Variants in NRG1 observed in about 807,000 individuals in gnomAD.
The protein encoded by NRG1 is pro-neuregulin-1, membrane-bound isoform.
NRG1 carries 18 observed loss-of-function variants against 63.8 expected under a neutral mutation model. The ratio of observed to expected loss-of-function variants is 0.28; its 90% CI spans 0.19 to 0.42. The LOEUF is 0.42. Among genes scored for constraint, NRG1 ranks in the 10% least tolerant of loss-of-function variants. NRG1 has a pLI of 1.00. For synonymous variants in NRG1, 302 were observed against 301.3 expected (o/e 1.00, Z -0.02); for missense variants, 762 against 814.7 (o/e 0.94, Z 0.79).
chr8:32,476,215 G>A (rs555788700), intron 1 of NRG1, among the ~76,000 whole-genome samples: 2 of 152,286 alleles, frequency 1.3e-5, no homozygotes, highest in South Asian at 4.1e-4. Flanking sequence ...GGGAAAAAAG[G>A]GACCAATGAC....
At chr8:32,596,612 A>T (rs1843416317) in intron 2 of NRG1, among the ~76,000 whole-genome samples, 1 of 151,530 alleles carries the variant, frequency 6.6e-6, no homozygotes, top group Non-Finnish European at 1.5e-5. Context: ...AAAAAAAAAA[A>T]ATGCAATTTC....
At chr8:32,420,001 A>G (rs1049487192) in intron 1 of NRG1, among the ~76,000 whole-genome samples, 2 of 152,188 alleles carry the variant, frequency 1.3e-5, no homozygotes, top group Admixed American at 1.3e-4. Flanking sequence ...CAGTTGGTCA[A>G]TGGCATCAGA....
intron 6 of NRG1, among the ~76,000 whole-genome samples, chr8:32,737,816 A>T (rs1825466835): frequency 6.6e-6 from 1 of 151,080 alleles, no homozygotes; most frequent in South Asian, 2.1e-4. Context: ...AGCTGGGATT[A>T]CAGGCGCCCA....
chr8:32,271,115 C>T (rs968591165), intron 1 of NRG1, among the ~76,000 whole-genome samples: 4 of 152,034 alleles, frequency 2.6e-5, no homozygotes, highest in Non-Finnish European at 5.9e-5. Context: ...TTTTCCTTTA[C>T]CTTTTCAGCC....
chr8:32,449,388 T>C (rs1372320638), intron 1 of NRG1, among the ~76,000 whole-genome samples: 2 of 151,258 alleles, frequency 1.3e-5, no homozygotes, highest in African/African-American at 2.4e-5. Context: ...TCAAGCCTAG[T>C]GGGACTGTGG....
intron 1 of NRG1, among the ~76,000 whole-genome samples, chr8:32,538,670 T>A (rs750934042): frequency 1.3e-5 from 2 of 152,206 alleles, no homozygotes; most frequent in Non-Finnish European, 2.9e-5. Flanking sequence ...AAAAGTTCTA[T>A]TTGGAAAGAT....
intron 1 of NRG1, among the ~76,000 whole-genome samples, chr8:31,706,141 T>A (rs1811127134): frequency 6.6e-6 from 1 of 152,168 alleles, no homozygotes; most frequent in African/African-American, 2.4e-5. Context: ...GAGATTTCCT[T>A]CCTACATCCC....
chr8:32,044,251 C>T (rs886960808), intron 1 of NRG1, among the ~76,000 whole-genome samples: 3 of 151,822 alleles, frequency 2.0e-5, no homozygotes, highest in African/African-American at 7.2e-5. Context: ...ACTAAGAAGA[C>T]ATAACAACCT....
intron 1 of NRG1, among the ~76,000 whole-genome samples, chr8:32,229,587 T>C (rs1176059043): frequency 6.6e-6 from 1 of 152,100 alleles, no homozygotes; most frequent in Non-Finnish European, 1.5e-5. Flanking sequence ...CTAAAATCTC[T>C]CTCTTATGAC....
At chr8:32,181,740 A>AATACTTTATTGTTGTTTGT (rs1184757900) in intron 1 of NRG1, among the ~76,000 whole-genome samples, 1 of 152,240 alleles carries the variant, frequency 6.6e-6, no homozygotes, top group Non-Finnish European at 1.5e-5. Flanking sequence ...AAGATATTTT[A>AATACTTTATTGTTGTTTGT]ATACTTTATA....
intron 1 of NRG1, among the ~76,000 whole-genome samples, chr8:32,430,259 A>T (rs1817956219): frequency 6.6e-6 from 1 of 152,174 alleles, no homozygotes; most frequent in East Asian, 1.9e-4. Context: ...AGAATTCTGG[A>T]TTCCTTAAAT....
At chr8:31,896,476 T>G (rs2129614650) in intron 1 of NRG1, among the ~76,000 whole-genome samples, 1 of 152,324 alleles carries the variant, frequency 6.6e-6, no homozygotes, top group African/African-American at 2.4e-5. Context: ...AGCATTTTCC[T>G]TTGTTGTCCA....
At chr8:32,748,380 G>T (rs1329620633) in intron 7 of NRG1, among the ~76,000 whole-genome samples, 1 of 151,816 alleles carries the variant, frequency 6.6e-6, no homozygotes, top group African/African-American at 2.4e-5. Flanking sequence ...GAGAGAGAGA[G>T]AGAGAGAGAG....
chr8:32,764,356 C>T (rs1242552169), exon 12 of NRG1: 1 of 1,611,896 alleles, frequency 6.2e-7, no homozygotes. Context: ...GAAATCCAGG[C>T]CAGGCTGTCT....
At chr8:31,860,048 C>T (rs146377318) in intron 1 of NRG1, among the ~76,000 whole-genome samples, 22 of 152,282 alleles carry the variant, frequency 1.4e-4, no homozygotes, top group African/African-American at 4.3e-4. Context: ...TGGATAGTTA[C>T]GTCCTTGGAG....
At chr8:32,485,243 G>A (rs1825769853) in intron 1 of NRG1, among the ~76,000 whole-genome samples, 2 of 151,896 alleles carry the variant, frequency 1.3e-5, no homozygotes, top group Admixed American at 1.3e-4. Context: ...GCCTCCCAAG[G>A]AGCTGGGATT....
exon 12 of NRG1, chr8:32,764,172 A>C: frequency 6.2e-7 from 1 of 1,614,150 alleles, no homozygotes. Flanking sequence ...AGTGGACAGC[A>C]ACACAAGCTC....
At chr8:32,172,624 C>T (rs1186109250) in intron 1 of NRG1, among the ~76,000 whole-genome samples, 1 of 152,086 alleles carries the variant, frequency 6.6e-6, no homozygotes, top group Non-Finnish European at 1.5e-5. Context: ...ACTAGAATAA[C>T]CAATGCAGAG....
chr8:31,680,569 T>C (rs1808228263), intron 1 of NRG1, among the ~76,000 whole-genome samples: 1 of 150,660 alleles, frequency 6.6e-6, no homozygotes, highest in Non-Finnish European at 1.5e-5. Flanking sequence ...GTTCCAAGTC[T>C]TTGCTATTGT....
Sources: allele counts gnomAD v4.1 joint callset (sites outside exome capture counted in the v4.1 genomes callset), GRCh38; gene constraint gnomAD v4.1.1; transcripts MANE v1.5; gene names NCBI Gene and HGNC (gene_info 2026-07-23, HGNC 2026-07-21).